Variants in COBL observed in about 807,000 individuals in gnomAD.
COBL encodes protein cordon-bleu.
In COBL, 51 loss-of-function variants were observed where a neutral mutation model predicts 98.8. The observed-to-expected ratio is 0.52, with a 90% confidence interval of 0.41 to 0.65. The LOEUF (loss-of-function observed/expected upper bound fraction) is 0.65, where lower values mean the gene tolerates loss of function less well. Among genes scored for constraint, COBL ranks in the 30% least tolerant of loss-of-function variants. The pLI is 0.00. For synonymous variants in COBL, 634 were observed against 651.7 expected (o/e 0.97, Z 0.41); for missense variants, 1,617 against 1,617.5 (o/e 1.00, Z 0.01).
intron 1 of COBL, among the ~76,000 whole-genome samples, chr7:51,222,221 T>G (rs114710455): frequency 6.6e-6 from 1 of 151,486 alleles, no homozygotes; most frequent in African/African-American, 2.4e-5. Flanking sequence ...AAAATAACAT[T>G]CAGATCTCAT....
chr7:51,187,985 G>A, intron 4 of COBL: 1 of 1,232,330 alleles, frequency 8.1e-7, no homozygotes, highest in Admixed American at 4.2e-5. Context: ...ATGAGAGAGT[G>A]AGGTCCAGCT....
intron 4 of COBL, chr7:51,187,844 C>T: frequency 8.8e-7 from 1 of 1,134,642 alleles, no homozygotes; most frequent in Non-Finnish European, 1.1e-6. Context: ...CACCTCTGTG[C>T]AGCTCTGACC....
In COBL at chr7:51,247,334, T is replaced by C. The variant is rs369529265; in HGVS notation, c.42-27390A>G. Among the ~76,000 whole-genome samples, 74 of 152,352 alleles carry C rather than the reference T, an allele frequency of 4.9e-4. No individual in the cohort carries two copies. In the South Asian group the frequency reaches 0.015, roughly 30 times the overall value. ...GTTACCCACAGCCAGTGGAATCATG[T>C]TCTCTGTTCCCTCTCAACTATCAGA... On this transcript the variant is annotated intron_variant, in intron 1 of 12. Coordinates refer to ENST00000265136, the MANE Select transcript of COBL (RefSeq NM_015198.5).
intron 6 of COBL, among the ~76,000 whole-genome samples, chr7:51,101,064 G>A (rs182952349): frequency 2.6e-5 from 4 of 152,276 alleles, no homozygotes; most frequent in Admixed American, 1.3e-4. Context: ...TTGAGGCTTT[G>A]CCAAAATTGC....
chr7:51,030,352 T>C (rs888474525), intron 9 of COBL, among the ~76,000 whole-genome samples: 4 of 152,240 alleles, frequency 2.6e-5, no homozygotes, highest in African/African-American at 9.6e-5. Context: ...TCCAGTATTA[T>C]TTCCCCAAAA....
intron 1 of COBL, among the ~76,000 whole-genome samples, chr7:51,267,634 G>T (rs955647918): frequency 1.8e-4 from 27 of 152,116 alleles, no homozygotes; most frequent in African/African-American, 6.3e-4. Flanking sequence ...GAGTACAGTA[G>T]CGCAATCTCA....
At chr7:51,061,981 A>T (rs886436) in intron 7 of COBL, among the ~76,000 whole-genome samples, 78,223 of 150,552 alleles carry the variant, frequency 0.52, 24,392 homozygotes, top group Non-Finnish European at 0.72. Context: ...ACACACACAC[A>T]CTCATAAATA....
chr7:51,051,209 T>C (rs1471313877), intron 7 of COBL, among the ~76,000 whole-genome samples: 1 of 152,222 alleles, frequency 6.6e-6, no homozygotes. Context: ...CGCTTCTCTG[T>C]TTTCTAGCAT....
intron 6 of COBL, among the ~76,000 whole-genome samples, chr7:51,087,602 G>T (rs1302515629): frequency 6.6e-6 from 1 of 151,908 alleles, no homozygotes; most frequent in Non-Finnish European, 1.5e-5. Flanking sequence ...AGCCTCCTGA[G>T]TAGCTGGGAC....
At chr7:51,081,245 T>C (rs1368267948) in intron 7 of COBL, among the ~76,000 whole-genome samples, 1 of 152,132 alleles carries the variant, frequency 6.6e-6, no homozygotes, top group Non-Finnish European at 1.5e-5. Context: ...CCCAACTCCA[T>C]TGCTGTGGGC....
At chr7:51,136,611 A>C (rs1799263756) in intron 5 of COBL, among the ~76,000 whole-genome samples, 1 of 152,194 alleles carries the variant, frequency 6.6e-6, no homozygotes, top group South Asian at 2.1e-4. Flanking sequence ...AGCAGCTAGA[A>C]TCATTTAAAC....
In COBL at chr7:51,213,534, G is replaced by A. The variant is rs571240428; in HGVS notation, c.245+6207C>T. Among the ~76,000 whole-genome samples the A allele has an allele frequency of 9.9e-5, 15 of 152,202 alleles. No homozygotes were observed. The South Asian group carries it at 2.7e-3, about 27-fold the overall frequency. Reference sequence around the variant, plus strand: ...TGGCCCACTGCACTACAGGCAGTTCGTGCTGACGGGGCCCTACACAAAGGG... The same window carrying A: ...TGGCCCACTGCACTACAGGCAGTTCATGCTGACGGGGCCCTACACAAAGGG... On this transcript the variant is annotated intron_variant, in intron 2 of 12. Coordinates refer to ENST00000265136, the MANE Select transcript of COBL (RefSeq NM_015198.5).
chr7:51,248,410 A>G (rs1796448872), intron 1 of COBL, among the ~76,000 whole-genome samples: 1 of 152,202 alleles, frequency 6.6e-6, no homozygotes, highest in Non-Finnish European at 1.5e-5. Context: ...AGACACCAGC[A>G]AGACACTTCA....
chr7:51,170,784 A>G (rs1446556318), intron 5 of COBL, among the ~76,000 whole-genome samples: 1 of 152,058 alleles, frequency 6.6e-6, no homozygotes, highest in Non-Finnish European at 1.5e-5. Flanking sequence ...ATGGGGAGAG[A>G]TTGGTCAACA....
chr7:51,312,275 G>A (rs1231348886), intron 1 of COBL, among the ~76,000 whole-genome samples: 2 of 152,140 alleles, frequency 1.3e-5, no homozygotes, highest in African/African-American at 4.8e-5. Flanking sequence ...AGGTTGCAGT[G>A]AGCTGAGATC....
intron 6 of COBL, among the ~76,000 whole-genome samples, chr7:51,121,480 C>CT (rs1371467891): frequency 6.6e-6 from 1 of 152,208 alleles, no homozygotes; most frequent in Non-Finnish European, 1.5e-5. Flanking sequence ...AATCTGTTGA[C>CT]TGTGTCCTTT....
intron 6 of COBL, 99 bp from the exon 7 acceptor site, chr7:51,085,403 C>T: frequency 3.0e-6 from 4 of 1,321,412 alleles, no homozygotes; most frequent in African/African-American, 1.5e-5. Flanking sequence ...CAGGGACCTG[C>T]ACCGGAAGGT....
At chr7:51,227,628 T>G (rs1794334993) in intron 1 of COBL, among the ~76,000 whole-genome samples, 1 of 152,156 alleles carries the variant, frequency 6.6e-6, no homozygotes, top group South Asian at 2.1e-4. Context: ...CTTTTTAAAC[T>G]GCCACATGCC....
intron 12 of COBL, among the ~76,000 whole-genome samples, chr7:51,024,656 AAT>A: frequency 1.6e-3 from 1 of 618 alleles, no homozygotes; most frequent in East Asian, 0.042. Flanking sequence ...TGTACGAGTG[AAT>A]GAATGAATGA....
Sources: allele counts gnomAD v4.1 joint callset (sites outside exome capture counted in the v4.1 genomes callset), GRCh38; gene constraint gnomAD v4.1.1; transcripts MANE v1.5; gene names NCBI Gene and HGNC (gene_info 2026-07-23, HGNC 2026-07-21).